Variants in CYB5R4 observed in about 807,000 individuals in gnomAD.
CYB5R4 encodes the protein N-terminal cytochrome b5 and cytochrome b5 oxidoreductase domain-containing protein.
CYB5R4 carries 55 observed loss-of-function variants against 70.2 expected under a neutral mutation model. That is an observed-to-expected ratio of 0.78 (90% CI 0.63 to 0.98). The LOEUF is 0.98. CYB5R4 is among the 50% of genes least tolerant of loss of function. The pLI, the probability that CYB5R4 is intolerant of heterozygous loss-of-function variation, is 0.00. For synonymous variants in CYB5R4, 197 were observed against 199.5 expected, an observed-to-expected ratio of 0.99 and a Z score of 0.11; for missense variants, 562 against 612.6, an observed-to-expected ratio of 0.92 and a Z score of 0.87.
chr6:83,921,609 C>T (rs907993330), intron 8 of CYB5R4, among the ~76,000 whole-genome samples: 8 of 152,172 alleles, frequency 5.3e-5, no homozygotes, highest in Non-Finnish European at 1.0e-4. Flanking sequence ...GTATTGTATC[C>T]TCCAGCTGTC....
chr6:83,946,513 G>A lies in CYB5R4; in HGVS notation c.1346+5912G>A, dbSNP rs138844211. Among the ~76,000 whole-genome samples the A allele has an allele frequency of 5.8e-3, 881 of 152,246 alleles. 6 individuals are homozygous for A. The highest frequency in any genetic ancestry group is 0.02 in the African/African-American group (849 of 41,544). On this transcript the variant is annotated intron_variant, in intron 14 of 15. Transcript: ENST00000369681. The stretch of plus-strand genomic sequence containing the variant: ...GCATTCCCTTTGAAAACTGGCACAA[G>A]ACAAGGATATCCCCTCTCACCACTC...
chr6:83,935,892 G>T (rs1588581775), intron 11 of CYB5R4, among the ~76,000 whole-genome samples: 1 of 151,602 alleles, frequency 6.6e-6, no homozygotes, highest in South Asian at 2.1e-4. Flanking sequence ...TTTTGATGCC[G>T]TTTTTGTTGT....
At chr6:83,916,539 G>C (rs546354077) in intron 5 of CYB5R4, among the ~76,000 whole-genome samples, 1 of 152,216 alleles carries the variant, frequency 6.6e-6, no homozygotes, top group East Asian at 1.9e-4. Context: ...TTTACGTGTA[G>C]TTTTGTAGTA....
chr6:83,898,473 T>C (rs1237009363), intron 3 of CYB5R4, among the ~76,000 whole-genome samples: 1 of 152,232 alleles, frequency 6.6e-6, no homozygotes, highest in East Asian at 1.9e-4. Context: ...ATGTGAACTT[T>C]AAAGTAGTTT....
intron 2 of CYB5R4, among the ~76,000 whole-genome samples, chr6:83,868,318 GGTTT>G (rs549021068): frequency 2.6e-5 from 4 of 152,062 alleles, no homozygotes; most frequent in Non-Finnish European, 5.9e-5. Flanking sequence ...ATTTGGTATG[GGTTT>G]TTATGACTAA....
intron 2 of CYB5R4, among the ~76,000 whole-genome samples, chr6:83,892,004 TA>T (rs968138568): frequency 3.3e-5 from 5 of 152,294 alleles, no homozygotes; most frequent in Admixed American, 6.5e-5. Flanking sequence ...TCCTCTGTCT[TA>T]AAAAAGCCTA....
intron 3 of CYB5R4, among the ~76,000 whole-genome samples, chr6:83,900,365 C>T (rs1158777736): frequency 6.6e-6 from 1 of 152,088 alleles, no homozygotes; most frequent in Non-Finnish European, 1.5e-5. Flanking sequence ...TTTACTTTTG[C>T]TGAGGAGTGC....
intron 2 of CYB5R4, among the ~76,000 whole-genome samples, chr6:83,882,711 GGC>G (rs1392905014): frequency 6.6e-6 from 1 of 152,136 alleles, no homozygotes; most frequent in African/African-American, 2.4e-5. Context: ...ATACAGGCCC[GGC>G]GTGGTGGCTC....
At chr6:83,902,551 G>C (rs1271129430) in intron 3 of CYB5R4, among the ~76,000 whole-genome samples, 1 of 152,086 alleles carries the variant, frequency 6.6e-6, no homozygotes. Flanking sequence ...TTCTATTTCT[G>C]TGAAAAATAA....
In CYB5R4 at chr6:83,918,014, C is replaced by G. The variant is rs771855490; in HGVS notation, c.455C>G (p.Pro152Arg). ...ATCTTTCTTTGTAAAGGCATGCTTCCCAAGAGCCAAGTGACAGATACACTT... is the reference window on the plus strand; with the variant it reads ...ATCTTTCTTTGTAAAGGCATGCTTCGCAAGAGCCAAGTGACAGATACACTT... ...EEKKVLNGML[P>R]KSQVTDTLAK... The change falls in exon 6 of 16, where the codon CCC becomes CGC. Residue 152 changes from proline to arginine, a missense_variant. By Grantham distance (103) the Pro-to-Arg change is moderately radical. Coordinates refer to ENST00000369681, the MANE Select transcript of CYB5R4 (RefSeq NM_016230.4). 1.9e-6 allele frequency: 3 copies of G among 1,609,564 alleles called. No homozygotes were observed. In the Admixed American group the frequency reaches 5.0e-5, roughly 27 times the overall value.
At chr6:83,917,410 T>C (rs2099465692) in intron 5 of CYB5R4, among the ~76,000 whole-genome samples, 1 of 152,144 alleles carries the variant, frequency 6.6e-6, no homozygotes. Flanking sequence ...AGAATATGCA[T>C]GTACCTGTAA....
intron 3 of CYB5R4, 81 bp downstream of exon 3, chr6:83,893,703 G>A (rs3757003): frequency 0.15 from 116,981 of 791,360 alleles, 20,615 homozygotes; most frequent in African/African-American, 0.73. Flanking sequence ...AGAAAGAAAG[G>A]AAATAGTTGC....
rs1393247964 is a variant in CYB5R4 at position 83,913,123 on chromosome 6, C to G, written c.413-1293C>G. 5.9e-5 allele frequency among the ~76,000 whole-genome samples: 9 copies of G among 152,250 alleles called. No homozygotes were observed. In the East Asian group the frequency reaches 1.7e-3, roughly 29 times the overall value. On this transcript the variant is annotated intron_variant, in intron 4 of 15. Coordinates refer to ENST00000369681, the MANE Select transcript of CYB5R4 (RefSeq NM_016230.4). ...TGTACACTGAAAATAGATACATGTTCTGTGAATTTCTAAGATAAAACAAAT... is the reference window on the plus strand; with the variant it reads ...TGTACACTGAAAATAGATACATGTTGTGTGAATTTCTAAGATAAAACAAAT...
chr6:83,869,023 T>C (rs1210913380), intron 2 of CYB5R4, among the ~76,000 whole-genome samples: 7 of 152,230 alleles, frequency 4.6e-5, no homozygotes, highest in Admixed American at 3.9e-4. Flanking sequence ...GTTCTCCAAA[T>C]GGTATTTTAA....
chr6:83,918,680 C>T (rs1489036204), intron 6 of CYB5R4, among the ~76,000 whole-genome samples: 7 of 151,956 alleles, frequency 4.6e-5, no homozygotes, highest in Non-Finnish European at 7.4e-5. Flanking sequence ...TAACAGTTAA[C>T]AGTAACTTAA....
Position 83,948,032 on chromosome 6 carries a change from A to AGCAT in CYB5R4, c.1347-7264_1347-7261dup, listed in dbSNP as rs535469931. On this transcript the variant is annotated intron_variant, in intron 14 of 15. Coordinates refer to ENST00000369681, the MANE Select transcript of CYB5R4 (RefSeq NM_016230.4). ...ATCCCATTACTGGGTATATACCCAA[A>AGCAT]GCATGATAAATCATTCTACTGTAAA... 5.3e-5 allele frequency among the ~76,000 whole-genome samples: 8 copies of AGCAT among 152,356 alleles called. No homozygotes were observed. In the East Asian group the frequency reaches 1.5e-3, roughly 29 times the overall value.
intron 1 of CYB5R4, among the ~76,000 whole-genome samples, chr6:83,861,732 C>T (rs2099455962): frequency 6.6e-6 from 1 of 152,238 alleles, no homozygotes; most frequent in African/African-American, 2.4e-5. Flanking sequence ...TAGGCTCTGA[C>T]TACCTGTGAC....
At chr6:83,884,281 A>G (rs556811640) in intron 2 of CYB5R4, among the ~76,000 whole-genome samples, 14 of 152,162 alleles carry the variant, frequency 9.2e-5, no homozygotes, top group East Asian at 3.9e-4. Context: ...ACCTGACTAC[A>G]TGATGTCTAT....
chr6:83,899,512 A>G lies in CYB5R4; in HGVS notation c.330+5890A>G, dbSNP rs577428567. 1.2e-4 allele frequency among the ~76,000 whole-genome samples: 19 copies of G among 152,140 alleles called. No homozygotes were observed. The South Asian group carries it at 1.7e-3, about 13-fold the overall frequency. On this transcript the variant is annotated intron_variant, in intron 3 of 15. Transcript: ENST00000369681. ...GTTAGGGAGGATTCCCTCTTTTTCT[A>G]TTGATTGGAATAGTTTCAGAAGGAA... is the stretch of plus-strand genomic sequence containing the variant.
Sources: allele counts gnomAD v4.1 joint callset (sites outside exome capture counted in the v4.1 genomes callset), GRCh38; gene constraint gnomAD v4.1.1; transcripts MANE v1.5; gene names NCBI Gene and HGNC (gene_info 2026-07-23, HGNC 2026-07-21).